Variants in RBP7 observed in about 807,000 individuals in gnomAD.
The protein encoded by RBP7 is retinol binding protein 7.
A neutral mutation model predicts 16.7 loss-of-function variants in RBP7; 13 were observed. That is an observed-to-expected ratio of 0.78 (90% CI 0.51 to 1.24). The LOEUF is 1.24. RBP7 is among the 50% of genes most tolerant of loss of function. The pLI is 0.00. For synonymous variants in RBP7, 54 were observed against 56.2 expected (o/e 0.96, Z 0.17); for missense variants, 145 against 159.5 (o/e 0.91, Z 0.49).
chr1:10,015,556 T>G (rs1642751777), intron 3 of RBP7, among the ~76,000 whole-genome samples: 1 of 151,718 alleles, frequency 6.6e-6, no homozygotes, highest in Non-Finnish European at 1.5e-5. Context: ...CCCAGCTACT[T>G]TGGGGGCTGA....
intron 1 of RBP7, among the ~76,000 whole-genome samples, chr1:10,001,809 G>GTTTATTTA (rs112287943): frequency 0.16 from 23,229 of 145,432 alleles, 2,170 homozygotes; most frequent in African/African-American, 0.26. Flanking sequence ...AATTTAATTA[G>GTTTATTTA]TTTATTTATT....
In RBP7 at chr1:10,008,182, A is replaced by T; in HGVS notation, c.262A>T (p.Ile88Phe). The T allele has an allele frequency of 6.2e-7, 1 of 1,607,944 alleles. No homozygotes were observed. Among genetic ancestry groups the T allele is most frequent in the Non-Finnish European group, 8.5e-7 (1 of 1,174,632 alleles). The change falls in exon 3 of 4, where the codon ATC (isoleucine) becomes TTC (phenylalanine). Residue 88 changes from isoleucine to phenylalanine, a missense_variant. Physicochemically the swap from Ile to Phe is conservative, Grantham distance 21. Transcript: ENST00000294435. ...LDNRKCKSLV[I>F]WDNDRLTCIQ... is the part of the protein sequence containing the mutation. ...TCCTCTCTTCATGCAGAGTTTGGTT[A>T]TCTGGGACAATGACAGGCTCACCTG... is the stretch of plus-strand genomic sequence containing the variant.
At chr1:9,998,238 C>A (rs896804481) in intron 1 of RBP7, among the ~76,000 whole-genome samples, 2 of 152,130 alleles carry the variant, frequency 1.3e-5, no homozygotes, top group Non-Finnish European at 2.9e-5. Flanking sequence ...GTGATCCACC[C>A]GCCTTGGCCT....
At position 9,997,328 on chromosome 1, in the gene RBP7, CTA is replaced by C; in HGVS notation, c.71_72del (p.Leu24ArgfsTer3). 1 of 1,610,802 alleles carries C rather than the reference CTA, an allele frequency of 6.2e-7. No individual in the cohort carries two copies. On this transcript the variant is annotated frameshift_variant and splice_region_variant, in exon 1 of 4. Coordinates refer to ENST00000294435, the MANE Select transcript of RBP7 (RefSeq NM_052960.3). LOFTEE classifies it high-confidence loss of function. The surrounding 1 kb of genome is among the most constrained non-coding windows in gnomAD (Gnocchi z 5.9). ...CAACTTCGAGGGCTACATGCTGGCC[CTA>C]GGTAAGGCGGAGGGGAGGCGGCGGC... is the stretch of plus-strand genomic sequence containing the variant. Reference protein sequence around the residue: ...SDNFEGYMLALGIDFATRKIA... With the variant: ...SDNFEGYMLAXGIDFATRKIA...
At chr1:9,998,387 T>TTTTCTTTC (rs34027227) in intron 1 of RBP7, among the ~76,000 whole-genome samples, 22,175 of 126,612 alleles carry the variant, frequency 0.18, 2,751 homozygotes, top group Non-Finnish European at 0.25. Context: ...TGTTTTCTTT[T>TTTTCTTTC]TTTCTTTCTT....
In RBP7 at chr1:10,008,266, C is replaced by T. The variant is rs542629103; in HGVS notation, c.346C>T (p.Leu116Phe). 6.9e-6 allele frequency: 11 copies of T among 1,598,620 alleles called. No homozygotes were observed. In the East Asian group the frequency reaches 1.8e-4, roughly 26 times the overall value. Residue 116 changes from leucine (L) to phenylalanine (F), a missense_variant, in exon 3 of 4, where the codon CTC (leucine) becomes TTC (phenylalanine). By Grantham distance (22) the Leu-to-Phe change is conservative. Transcript: ENST00000294435. ...GACCCATTGGATCGAAGGAGACAAACTCCACCTGGTATCCACCACATTTTG... is the reference window on the plus strand; with the variant it reads ...GACCCATTGGATCGAAGGAGACAAATTCCACCTGGTATCCACCACATTTTG... ...GWTHWIEGDK[L>F]HLEMFCEGQV...
chr1:10,014,390 C>CT (rs796691409), intron 3 of RBP7, among the ~76,000 whole-genome samples: 2,994 of 142,064 alleles, frequency 0.021, 74 homozygotes, highest in African/African-American at 0.055. Context: ...TTTCTTTTTT[C>CT]TTTTTTTTTT....
rs760329321 is a variant in RBP7 at position 10,007,559 on chromosome 1, T to C, written c.74-11T>C. 2 of 1,541,596 alleles carry C rather than the reference T, an allele frequency of 1.3e-6. No homozygotes were observed. The highest frequency in any genetic ancestry group is 1.4e-5 in the African/African-American group (1 of 71,126). On this transcript the variant is annotated splice_polypyrimidine_tract_variant and intron_variant, in intron 1 of 3. Coordinates refer to ENST00000294435, the MANE Select transcript of RBP7 (RefSeq NM_052960.3). ...GCGAATGTTCAAATATTTTTAAAAATTATTTTTAAGGTATTGACTTTGCCA... is the reference window on the plus strand; with the variant it reads ...GCGAATGTTCAAATATTTTTAAAAACTATTTTTAAGGTATTGACTTTGCCA...
chr1:10,012,539 T>C (rs3123522), intron 3 of RBP7, among the ~76,000 whole-genome samples: 53,337 of 151,548 alleles, frequency 0.35, 14,240 homozygotes, highest in African/African-American at 0.75. Flanking sequence ...TGCCTGTAGT[T>C]CCAGTTACTG....
rs138524208 is a variant in RBP7, at chr1:10,014,721, G to A, written c.355-1061G>A. On this transcript the variant is annotated intron_variant, in intron 3 of 3. Coordinates refer to ENST00000294435, the MANE Select transcript of RBP7 (RefSeq NM_052960.3). ...TGAGTTGTTTATTTTATAATAAACT[G>A]GTAATAGTAAGTAAAGGGACTTTCT... Among the ~76,000 whole-genome samples the A allele has an allele frequency of 2.8e-3, 422 of 152,148 alleles. 6 individuals carry two copies. Among genetic ancestry groups the A allele is most frequent in the African/African-American group, 9.9e-3 (410 of 41,534 alleles).
Position 10,008,241 on chromosome 1 carries a change from G to A in RBP7, c.321G>A (p.Trp107Ter), listed in dbSNP as rs1303616424. The A allele has an allele frequency of 6.2e-7, 1 of 1,612,626 alleles. No homozygotes were observed. The highest frequency in any genetic ancestry group is 8.5e-7 in the Non-Finnish European group (1 of 1,179,088). The change falls in exon 3 of 4, where the codon TGG becomes TGA. Residue 107 changes from tryptophan (W) to a stop codon, truncating the protein, a stop_gained. Coordinates refer to ENST00000294435, the MANE Select transcript of RBP7 (RefSeq NM_052960.3). LOFTEE classifies it high-confidence loss of function. ...IQKGEKKNRGWTHWIEGDKLH... is the reference protein window; with the variant it reads ...IQKGEKKNRG ...AGGGAGAAAAGAAGAACAGAGGCTG[G>A]ACCCATTGGATCGAAGGAGACAAAC...
At chr1:10,002,953 GAC>G (rs1642320934) in intron 1 of RBP7, among the ~76,000 whole-genome samples, 1 of 152,094 alleles carries the variant, frequency 6.6e-6, no homozygotes, top group Admixed American at 6.6e-5. Context: ...TGGGACAGCG[GAC>G]CAAACTGAGG....
chr1:10,014,610 CT>C (rs1414460613), intron 3 of RBP7, among the ~76,000 whole-genome samples: 1 of 152,084 alleles, frequency 6.6e-6, no homozygotes, highest in African/African-American at 2.4e-5. Flanking sequence ...TGATCTAGAA[CT>C]CCTGATCTCA....
intron 1 of RBP7, among the ~76,000 whole-genome samples, chr1:10,002,348 A>T (rs34477566): frequency 1.3e-5 from 2 of 151,900 alleles, no homozygotes; most frequent in East Asian, 3.9e-4. Flanking sequence ...CTTATTTTCT[A>T]TTTAACATAA....
At chr1:10,011,623 G>C (rs1271666644) in intron 3 of RBP7, among the ~76,000 whole-genome samples, 1 of 152,176 alleles carries the variant, frequency 6.6e-6, no homozygotes, top group African/African-American at 2.4e-5. Context: ...CACTGTATGT[G>C]TGAAATCTAG....
intron 1 of RBP7, among the ~76,000 whole-genome samples, chr1:10,001,809 G>GTTTA (rs112287943): frequency 0.71 from 103,807 of 145,454 alleles, 38,413 homozygotes; most frequent in Middle Eastern, 0.83. Context: ...AATTTAATTA[G>GTTTA]TTTATTTATT....
chr1:10,015,862 G>C lies in RBP7; in HGVS notation c.*30G>C. 1.2e-6 allele frequency: 2 copies of C among 1,609,080 alleles called. No homozygotes were observed. Among genetic ancestry groups the C allele is most frequent in the African/African-American group, 1.3e-5 (1 of 74,922 alleles). On this transcript the variant is annotated 3_prime_UTR_variant, in exon 4 of 4. Coordinates refer to ENST00000294435, the MANE Select transcript of RBP7 (RefSeq NM_052960.3). ...CATCCAGCAGCAGAGCCCACTTGTGGCTGCAGCTTTATGCCAAATTATATT... is the reference window on the plus strand; with the variant it reads ...CATCCAGCAGCAGAGCCCACTTGTGCCTGCAGCTTTATGCCAAATTATATT...
At chr1:10,007,885 GA>G in intron 2 of RBP7, 137 bp downstream of exon 2, 1 of 806,272 alleles carries the variant, frequency 1.2e-6, no homozygotes, top group Non-Finnish European at 1.9e-6. Context: ...TGTCTCTACA[GA>G]AAAAAATTCA....
intron 1 of RBP7, among the ~76,000 whole-genome samples, chr1:10,000,610 A>C (rs1642251410): frequency 6.6e-6 from 1 of 152,216 alleles, no homozygotes; most frequent in South Asian, 2.1e-4. Flanking sequence ...TTGAATATAT[A>C]ATTAACTTTA....
Sources: allele counts gnomAD v4.1 joint callset (sites outside exome capture counted in the v4.1 genomes callset), GRCh38; gene constraint gnomAD v4.1.1; non-coding constraint Gnocchi (gnomAD v3.1); transcripts MANE v1.5; gene names NCBI Gene and HGNC (gene_info 2026-07-23, HGNC 2026-07-21).